Variants in HPS3 observed in about 807,000 individuals in gnomAD.
HPS3 encodes HPS3 biogenesis of lysosomal organelles complex 2 subunit 1.
HPS3 carries 79 observed loss-of-function variants against 110.9 expected under a neutral mutation model. That is an observed-to-expected ratio of 0.71 (90% CI 0.59 to 0.86). The LOEUF (loss-of-function observed/expected upper bound fraction) is 0.86. Among genes scored for constraint, HPS3 ranks in the 40% least tolerant of loss-of-function variants. The pLI is 0.00. For missense variants in HPS3, 1,197 were observed against 1,206.2 expected (o/e 0.99, Z 0.11); for synonymous variants, 428 against 451.0 (o/e 0.95, Z 0.65).
intron 14 of HPS3, 75 bp from the exon 15 acceptor site, chr3:149,166,956 TAAG>T (rs1724485535): frequency 1.7e-6 from 2 of 1,143,706 alleles, no homozygotes; most frequent in Non-Finnish European, 2.6e-6. Flanking sequence ...GGTTTAGTCT[TAAG>T]AAATTGAATT....
chr3:149,146,489 G>A (rs1260418869), intron 5 of HPS3, among the ~76,000 whole-genome samples: 5 of 152,206 alleles, frequency 3.3e-5, no homozygotes, highest in Non-Finnish European at 4.4e-5. Flanking sequence ...GTGCATTATA[G>A]ATTGAAGGAA....
At chr3:149,138,886 A>T (rs1722275313) in intron 1 of HPS3, among the ~76,000 whole-genome samples, 1 of 152,336 alleles carries the variant, frequency 6.6e-6, no homozygotes, top group Non-Finnish European at 1.5e-5. Flanking sequence ...GCTAGTGAGG[A>T]TGTGGGGAAA....
intron 3 of HPS3, 25 bp downstream of exon 3, chr3:149,141,213 T>TTTA (rs1553751698): frequency 6.8e-5 from 108 of 1,591,406 alleles, no homozygotes; most frequent in African/African-American, 1.2e-4. Flanking sequence ...TTTTTTTTTT[T>TTTA]ACCAGCATTT....
intron 6 of HPS3, among the ~76,000 whole-genome samples, chr3:149,151,587 TAAAAA>T (rs1167453087): frequency 1.5e-4 from 6 of 40,338 alleles, no homozygotes; most frequent in Non-Finnish European, 3.0e-4. Context: ...GCTTGGTTTC[TAAAAA>T]AAAAAAAAAA....
chr3:149,164,511 G>C (rs796506572), intron 14 of HPS3, among the ~76,000 whole-genome samples: 4 of 152,288 alleles, frequency 2.6e-5, no homozygotes, highest in African/African-American at 9.6e-5. Flanking sequence ...CATTTGACTT[G>C]GTGGATCAGG....
intron 4 of HPS3, among the ~76,000 whole-genome samples, chr3:149,143,238 A>G (rs1413040927): frequency 6.6e-6 from 1 of 152,162 alleles, no homozygotes; most frequent in Non-Finnish European, 1.5e-5. Context: ...ACTATTCTTC[A>G]TCCATAGTGG....
Position 149,171,698 on chromosome 3 carries a change from C to CTTTTT in HPS3, c.2888-382_2888-378dup, listed in dbSNP as rs1170000443. Among the ~76,000 whole-genome samples, 109 of 118,260 alleles carry CTTTTT rather than the reference C, an allele frequency of 9.2e-4. 1 individual carries two copies. The highest frequency in any genetic ancestry group is 2.8e-3 in the African/African-American group (86 of 31,166). 77.6% of individuals were successfully genotyped at this position (118,260 alleles called of 152,430 possible). A position where few individuals can be genotyped will look rare whatever the true frequency, so the allele number is the denominator to read the frequency against. ...AACATTTTGTTACCTGAACTGGCTT[C>CTTTTT]TTTTTTTTTTTTTTTTTTTGTCCTG... On this transcript the variant is annotated intron_variant, in intron 16 of 16. Coordinates refer to ENST00000296051, the MANE Select transcript of HPS3 (RefSeq NM_032383.5).
Position 149,155,174 on chromosome 3 carries a change from A to C in HPS3, c.1468A>C (p.Ile490Leu). 6.2e-7 allele frequency: 1 copy of C among 1,605,546 alleles called. No individual in the cohort carries two copies. The highest frequency in any genetic ancestry group is 8.5e-7 in the Non-Finnish European group (1 of 1,172,168). ...PVAEAGWNLY[I>L]VNTISPVQLY... ...AGCTGAGGCTGGGTGGAATTTGTAT[A>C]TTGTGAATACGATCTCACCAGTGCA... is the stretch of plus-strand genomic sequence containing the variant. The change falls in exon 8 of 17, where the codon ATT becomes CTT. Residue 490 changes from isoleucine (I) to leucine (L), a missense_variant. Ile to Leu is a conservative substitution (Grantham distance 5, BLOSUM62 2). Transcript: ENST00000296051.
intron 8 of HPS3, among the ~76,000 whole-genome samples, chr3:149,156,136 T>C (rs1164387392): frequency 6.6e-6 from 1 of 152,206 alleles, no homozygotes; most frequent in Non-Finnish European, 1.5e-5. Context: ...TCTCTCTCTT[T>C]TATGCACTCT....
chr3:149,172,945 C>T lies in HPS3; in HGVS notation c.*723C>T, dbSNP rs1053669. 0.19 allele frequency: 28,768 copies of T among 152,492 alleles called. 4,303 individuals are homozygous for T. The highest frequency in any genetic ancestry group is 0.42 in the African/African-American group (17,396 of 41,434). 9.4% of individuals were successfully genotyped at this position (152,492 alleles called of 1,614,324 possible). ...GAGTGTATGTGAAAATAAAGAAATA[C>T]ATCATTGTATTCACAACCATGTGTC... On this transcript the variant is annotated 3_prime_UTR_variant, in exon 17 of 17. Transcript: ENST00000296051.
At chr3:149,162,958 TATAAAATCTAACCTAGTTTTC>T in intron 13 of HPS3, 80 bp downstream of exon 13, 1 of 1,190,808 alleles carries the variant, frequency 8.4e-7, no homozygotes, top group South Asian at 1.3e-5. Context: ...AATAACTTAT[TATAAAATCTAACCTAGTTTTC>T]TATTACCAGG....
Position 149,141,333 on chromosome 3 carries a change from A to G in HPS3, c.923A>G (p.Asp308Gly). The change falls in exon 4 of 17, where the codon GAT becomes GGT. Residue 308 changes from aspartate (D) to glycine (G), a missense_variant. Transcript: ENST00000296051. ...APDISSYVLS[D>G]DIKLHSLQLL... ...GATATTTCGTCCTATGTCTTGTCTG[A>G]TGACATCAAGCTACATTCCCTCCAG... is the stretch of plus-strand genomic sequence containing the variant. The G allele has an allele frequency of 1.2e-6, 2 of 1,613,316 alleles. No individual in the cohort carries two copies. The highest frequency in any genetic ancestry group is 2.2e-5 in the South Asian group (2 of 91,070).
chr3:149,143,588 A>G (rs914989407), intron 4 of HPS3, among the ~76,000 whole-genome samples: 7 of 152,228 alleles, frequency 4.6e-5, no homozygotes, highest in Middle Eastern at 3.2e-3. Flanking sequence ...TGCTGACTGA[A>G]TAGACGAATG....
At chr3:149,146,469 T>G (rs148092704) in intron 5 of HPS3, among the ~76,000 whole-genome samples, 1 of 152,314 alleles carries the variant, frequency 6.6e-6, no homozygotes, top group African/African-American at 2.4e-5. Flanking sequence ...AGATGAAGAT[T>G]GAAAGAGATG....
At chr3:149,138,633 G>A (rs1392014996) in intron 1 of HPS3, among the ~76,000 whole-genome samples, 3 of 152,118 alleles carry the variant, frequency 2.0e-5, no homozygotes, top group South Asian at 2.1e-4. Flanking sequence ...TCAGAAAATA[G>A]ACTCTAAAAC....
At chr3:149,142,877 ATCTTGAGG>A (rs1205561812) in intron 4 of HPS3, among the ~76,000 whole-genome samples, 1 of 152,128 alleles carries the variant, frequency 6.6e-6, no homozygotes. Context: ...CCCTGACCTC[ATCTTGAGG>A]TCAGGGAAGG....
chr3:149,129,909 C>T lies in HPS3; in HGVS notation c.186C>T (p.Gly62=). 6.4e-7 allele frequency: 1 copy of T among 1,567,894 alleles called. No homozygotes were observed. Among genetic ancestry groups the T allele is most frequent in the Non-Finnish European group, 8.6e-7 (1 of 1,163,530 alleles). ...CQPRCAFSTL[G]RVLRLAYSEA... is the part of the protein sequence containing the mutation. ...CGCGGTGCGCCTTCTCCACGCTGGG[C>T]CGGGTGTTGCGCCTGGCCTACAGCG... is the stretch of plus-strand genomic sequence containing the variant. The change falls in exon 1 of 17, where the codon GGC becomes GGT. Residue 62 remains glycine, a synonymous_variant. Transcript: ENST00000296051.
chr3:149,142,110 A>G (rs1387025880), intron 4 of HPS3, among the ~76,000 whole-genome samples: 1 of 152,118 alleles, frequency 6.6e-6, no homozygotes, highest in African/African-American at 2.4e-5. Flanking sequence ...CGGCCTCCCA[A>G]AGTGCTGGGA....
At position 149,172,218 on chromosome 3, in the gene HPS3, C is replaced by G. The variant is rs1216880047; in HGVS notation, c.3011C>G (p.Thr1004Ser). Reference sequence around the variant, plus strand: ...TATTGCAGTCGAAAGAAACCATTGACTTAAAGGTATCATTTGAAAAATACC... The same window carrying G: ...TATTGCAGTCGAAAGAAACCATTGAGTTAAAGGTATCATTTGAAAAATACC... ...LLYCSRKKPL[T>S] is the part of the protein sequence containing the mutation. Residue 1004 changes from threonine (T) to serine (S), a missense_variant, in exon 17 of 17, where the codon ACT becomes AGT. Thr to Ser is a moderately conservative substitution (Grantham distance 58). Transcript: ENST00000296051. The G allele has an allele frequency of 6.2e-7, 1 of 1,612,380 alleles. No individual in the cohort carries two copies. Among genetic ancestry groups the G allele is most frequent in the Non-Finnish European group, 8.5e-7 (1 of 1,179,026 alleles).
Sources: allele counts gnomAD v4.1 joint callset (sites outside exome capture counted in the v4.1 genomes callset), GRCh38; gene constraint gnomAD v4.1.1; transcripts MANE v1.5; gene names NCBI Gene and HGNC (gene_info 2026-07-23, HGNC 2026-07-21).